Variants in LYN observed in about 807,000 individuals in gnomAD.
LYN encodes the protein tyrosine-protein kinase Lyn.
LYN carries 12 observed loss-of-function variants against 65.0 expected under a neutral mutation model. The observed-to-expected ratio is 0.18, with a 90% CI of 0.12 to 0.30. LYN has a LOEUF of 0.30. Among genes scored for constraint, LYN ranks in the 10% least tolerant of loss-of-function variants. The pLI, the probability that LYN is intolerant of heterozygous loss-of-function variation, is 1.00. For missense variants in LYN, 380 were observed against 623.2 expected (o/e 0.61, Z 4.16); for synonymous variants, 222 against 221.2 (o/e 1.00, Z -0.03).
intron 1 of LYN, among the ~76,000 whole-genome samples, chr8:55,892,309 A>G (rs1339137514): frequency 2.0e-5 from 3 of 152,176 alleles, no homozygotes; most frequent in African/African-American, 7.2e-5. Context: ...AGTCCCAGCT[A>G]CTTGGGAGGC....
chr8:55,910,422 G>T (rs1805566084), intron 1 of LYN, among the ~76,000 whole-genome samples: 1 of 152,106 alleles, frequency 6.6e-6, no homozygotes, highest in Non-Finnish European at 1.5e-5. Flanking sequence ...CCCAGTGTAT[G>T]TTTTTGTTGA....
chr8:55,896,816 G>A (rs149171754), intron 1 of LYN, among the ~76,000 whole-genome samples: 4 of 151,988 alleles, frequency 2.6e-5, no homozygotes, highest in Non-Finnish European at 2.9e-5. Context: ...TCGGCTCCCC[G>A]CAACCTCTGC....
chr8:55,960,036 G>A (rs968214517), intron 8 of LYN, among the ~76,000 whole-genome samples: 2 of 152,200 alleles, frequency 1.3e-5, no homozygotes, highest in African/African-American at 4.8e-5. Flanking sequence ...AGGAGTGACT[G>A]CTAATGAGCA....
chr8:55,898,616 T>C (rs1461784716), intron 1 of LYN, among the ~76,000 whole-genome samples: 1 of 152,170 alleles, frequency 6.6e-6, no homozygotes, highest in Non-Finnish European at 1.5e-5. Flanking sequence ...GAGATATAAT[T>C]CACATATTGT....
intron 10 of LYN, among the ~76,000 whole-genome samples, chr8:55,987,496 T>C (rs1158945180): frequency 1.3e-5 from 2 of 152,044 alleles, no homozygotes; most frequent in Non-Finnish European, 2.9e-5. Flanking sequence ...AGTGGTGCAG[T>C]CTTGTCTTGC....
In LYN at chr8:55,966,894, A is replaced by G; in HGVS notation, c.970A>G (p.Lys324Glu). 1 of 1,613,032 alleles carries G rather than the reference A, an allele frequency of 6.2e-7. No homozygotes were observed. The highest frequency in any genetic ancestry group is 1.3e-5 in the African/African-American group (1 of 74,964). Residue 324 changes from lysine to glutamate, a missense_variant, in exon 9 of 13, where the codon AAG (lysine) becomes GAG (glutamate). This residue lies in a region of LYN where 223 missense variants were observed against 430.0 expected (regional missense o/e 0.52). Transcript: ENST00000519728. ...TTACATCATCACCGAGTACATGGCC[A>G]AGGGTGAGTTCCTCCCACTGCCCAG... ...PIYIITEYMA[K>E]GSLLDFLKSD...
At chr8:55,897,941 T>C (rs949810281) in intron 1 of LYN, among the ~76,000 whole-genome samples, 5 of 152,066 alleles carry the variant, frequency 3.3e-5, no homozygotes, top group African/African-American at 7.2e-5. Context: ...CAAAAACTTT[T>C]AAAGATTAGT....
In LYN at chr8:55,883,860, G is replaced by A. The variant is rs552384594; in HGVS notation, c.-6+3757G>A. 7.2e-5 allele frequency among the ~76,000 whole-genome samples: 11 copies of A among 151,808 alleles called. No homozygotes were observed. In the East Asian group the frequency reaches 2.1e-3, roughly 29 times the overall value. ...AAGAACATGGAAGAGGAAGTTGTTGGGTTTTTTTTTTCCAGTCAGAAATAC... is the reference window on the plus strand; with the variant it reads ...AAGAACATGGAAGAGGAAGTTGTTGAGTTTTTTTTTTCCAGTCAGAAATAC... On this transcript the variant is annotated intron_variant, in intron 1 of 12. Transcript: ENST00000519728.
At chr8:56,008,398 G>A (rs564864725) in intron 12 of LYN, among the ~76,000 whole-genome samples, 51 of 152,258 alleles carry the variant, frequency 3.3e-4, no homozygotes, top group African/African-American at 1.2e-3. Flanking sequence ...TTCGTTGTGA[G>A]GAATGGAGCC....
chr8:55,961,466 T>TTCAATA (rs1325827738), intron 8 of LYN, among the ~76,000 whole-genome samples: 1 of 152,158 alleles, frequency 6.6e-6, no homozygotes, highest in East Asian at 1.9e-4. Context: ...ACCCTATTGT[T>TTCAATA]TCAATATCAC....
At chr8:55,931,579 C>A (rs1213423572) in intron 1 of LYN, among the ~76,000 whole-genome samples, 1 of 151,918 alleles carries the variant, frequency 6.6e-6, no homozygotes, top group Admixed American at 6.5e-5. Flanking sequence ...TCTTTTCAGA[C>A]TTTTTTCTAT....
intron 10 of LYN, among the ~76,000 whole-genome samples, chr8:55,990,043 A>AGTT (rs1808201943): frequency 6.6e-6 from 1 of 152,102 alleles, no homozygotes; most frequent in Non-Finnish European, 1.5e-5. Flanking sequence ...GTTTGAGACC[A>AGTT]GCCTGGCCAA....
intron 10 of LYN, among the ~76,000 whole-genome samples, chr8:55,995,961 G>A (rs986465948): frequency 2.0e-5 from 3 of 152,158 alleles, no homozygotes; most frequent in African/African-American, 7.2e-5. Flanking sequence ...GTAGTAGTGG[G>A]CTAACAAGAT....
Position 56,011,891 on chromosome 8 carries a change from C to CAAGT in LYN, c.*1783_*1786dup. Reference sequence around the variant, plus strand: ...CTGCTTGCATTTTATTTCAGAACCACAAGTATTACCCAATATGTTACATGG... The same window carrying CAAGT: ...CTGCTTGCATTTTATTTCAGAACCACAAGTAAGTATTACCCAATATGTTACATGG... On this transcript the variant is annotated 3_prime_UTR_variant, in exon 13 of 13. Transcript: ENST00000519728. 1 of 186,148 alleles carries CAAGT rather than the reference C, an allele frequency of 5.4e-6. No individual in the cohort carries two copies. The highest frequency in any genetic ancestry group is 8.7e-5 in the East Asian group (1 of 11,506). The allele number at this position is 186,148 out of a possible 1,614,324, so 11.5% of individuals were successfully genotyped here.
chr8:55,902,822 A>G (rs1036525165), intron 1 of LYN: 1 of 503,620 alleles, frequency 2.0e-6, no homozygotes, highest in Non-Finnish European at 3.9e-6. Context: ...GGACACCTTG[A>G]TCAACAGTGC....
chr8:55,902,967 G>A (rs960061848), intron 1 of LYN: 2 of 311,144 alleles, frequency 6.4e-6, no homozygotes, highest in East Asian at 1.7e-4. Context: ...TCCTGCCTCA[G>A]CCTCCCGAGT....
At chr8:55,913,621 G>T (rs980733911) in intron 1 of LYN, among the ~76,000 whole-genome samples, 5 of 152,168 alleles carry the variant, frequency 3.3e-5, no homozygotes, top group African/African-American at 1.2e-4. Flanking sequence ...AAGTGTAAAC[G>T]CCCGTAATGG....
chr8:55,946,487 A>G lies in LYN; in HGVS notation c.172A>G (p.Thr58Ala). The G allele has an allele frequency of 6.2e-7, 1 of 1,606,952 alleles. No individual in the cohort carries two copies. The highest frequency in any genetic ancestry group is 8.5e-7 in the Non-Finnish European group (1 of 1,174,676). Residue 58 changes from threonine (T) to alanine (A), a missense_variant, in exon 3 of 13, where the codon ACT becomes GCT. Around this residue, in one of 2 missense-constraint regions of LYN, gnomAD observed 157 missense variants for 193.2 expected, o/e 0.81. Coordinates refer to ENST00000519728, the MANE Select transcript of LYN (RefSeq NM_002350.4). ...GCTTTTACCTGGACAGAGGTTTCAAACTAAAGGTATGTTTTCATAGCAACA... is the reference window on the plus strand; with the variant it reads ...GCTTTTACCTGGACAGAGGTTTCAAGCTAAAGGTATGTTTTCATAGCAACA... ...SQLLPGQRFQTKDPEEQGDIV... is the reference protein window; with the variant it reads ...SQLLPGQRFQAKDPEEQGDIV...
In LYN at chr8:55,879,859, C is replaced by A; in HGVS notation, c.-250C>A. 5.4e-6 allele frequency: 1 copy of A among 186,452 alleles called. No homozygotes were observed. Among genetic ancestry groups the A allele is most frequent in the South Asian group, 8.7e-5 (1 of 11,454 alleles). 11.5% of individuals were successfully genotyped at this position (186,452 alleles called of 1,614,324 possible). On this transcript the variant is annotated 5_prime_UTR_variant, in exon 1 of 13. Coordinates refer to ENST00000519728, the MANE Select transcript of LYN (RefSeq NM_002350.4). The stretch of plus-strand genomic sequence containing the variant: ...CAGTTCCTCTCCCGCCGCGCCGGGC[C>A]GCGCTGCCGCTCGCTCCCCGGCCGT...
Sources: gnomAD v4.1 joint callset for allele counts (sites outside exome capture counted in the v4.1 genomes callset) on GRCh38, gnomAD v4.1.1 for gene constraint, gnomAD v4.1.1 regional missense constraint, MANE v1.5 for transcripts, NCBI Gene and HGNC (gene_info 2026-07-23, HGNC 2026-07-21) for gene names.